Variants in UMODL1 observed in about 807,000 individuals in gnomAD.
The protein encoded by UMODL1 is uromodulin like 1.
In UMODL1, 128 loss-of-function variants were observed where a neutral mutation model predicts 136.3. The ratio of observed to expected loss-of-function variants is 0.94; its 90% CI spans 0.81 to 1.09. The LOEUF is 1.09. UMODL1 is among the 50% of genes least tolerant of loss of function. The pLI, the probability that UMODL1 is intolerant of heterozygous loss-of-function variation, is 0.00. For missense variants in UMODL1, 1,766 were observed against 1,725.6 expected, an observed-to-expected ratio of 1.02 and a Z score of -0.41; for synonymous variants, 721 against 720.0, an observed-to-expected ratio of 1.00 and a Z score of -0.02.
chr21:42,078,912 C>T (rs1433454712), intron 2 of UMODL1, among the ~76,000 whole-genome samples: 3 of 152,332 alleles, frequency 2.0e-5, no homozygotes, highest in Middle Eastern at 6.8e-3. Flanking sequence ...TCGAGGGCCA[C>T]ACACACAGAG....
chr21:42,128,089 A>G (rs1187902201), intron 20 of UMODL1: 5 of 594,942 alleles, frequency 8.4e-6, no homozygotes, highest in Non-Finnish European at 1.6e-5. Context: ...TGAGGCCATA[A>G]TATTCAACCG....
intron 2 of UMODL1, among the ~76,000 whole-genome samples, chr21:42,083,257 C>A (rs2066383988): frequency 6.6e-6 from 1 of 152,234 alleles, no homozygotes; most frequent in South Asian, 2.1e-4. Context: ...CTACACCAGG[C>A]CGTTCTTCCC....
intron 1 of UMODL1, among the ~76,000 whole-genome samples, chr21:42,071,963 A>T (rs920418088): frequency 6.6e-6 from 1 of 151,840 alleles, no homozygotes; most frequent in African/African-American, 2.4e-5. Context: ...TGGGAGGATC[A>T]CTTGAGCTTG....
In UMODL1 at chr21:42,109,672, C is replaced by A. The variant is rs372915114; in HGVS notation, c.1630C>A (p.Pro544Thr). 541 of 1,606,008 alleles carry A rather than the reference C, an allele frequency of 3.4e-4. No individual in the cohort carries two copies. Among genetic ancestry groups the A allele is most frequent in the Non-Finnish European group, 4.3e-4 (504 of 1,179,992 alleles). The part of the protein sequence containing the change: ...CQCRTTRDAT[P>T]SRAGRACEGD... ...GTGCCGTACCACCAGGGACGCCACC[C>A]CCTCCCGCGCAGGCCGGGCCTGTGA... is the stretch of plus-strand genomic sequence containing the variant. The change falls in exon 10 of 23, where the codon CCC becomes ACC. Residue 544 changes from proline (P) to threonine (T), a missense_variant. Pro to Thr is a conservative substitution (Grantham distance 38). Transcript: ENST00000408910.
At position 42,109,619 on chromosome 21, in the gene UMODL1, TC is replaced by T; in HGVS notation, c.1578del (p.Asn527ThrfsTer30). ...EHDCSPAAWC[I>X]NLEGSYTCQC... ...GACTGCTCACCGGCTGCCTGGTGCA[TC>T]AACCTGGAGGGCTCCTACACCTGCC... On this transcript the variant is annotated frameshift_variant, in exon 10 of 23. Coordinates refer to ENST00000408910, the MANE Select transcript of UMODL1 (RefSeq NM_001004416.3). LOFTEE classifies it high-confidence loss of function. 6.2e-7 allele frequency: 1 copy of T among 1,611,018 alleles called. No individual in the cohort carries two copies.
Position 42,122,869 on chromosome 21 carries a change from G to A in UMODL1, c.2866G>A (p.Glu956Lys). 6.2e-7 allele frequency: 1 copy of A among 1,608,486 alleles called. No homozygotes were observed. Among genetic ancestry groups the A allele is most frequent in the African/African-American group, 1.3e-5 (1 of 74,918 alleles). ...PGNETWATSP[E>K]RPLTTAGTKA... ...CAATGAAACCTGGGCCACCAGCCCA[G>A]AGAGGCCTCTCACCACAGCAGGGAC... The change falls in exon 17 of 23, where the codon GAG (glutamate) becomes AAG (lysine). Residue 956 changes from glutamate to lysine, a missense_variant. By Grantham distance (56) the Glu-to-Lys change is moderately conservative. Transcript: ENST00000408910. This position sits in a 1 kb window ranked among gnomAD's most constrained non-coding sequence, Gnocchi z 4.3.
chr21:42,065,428 C>T (rs75323759), intron 1 of UMODL1, among the ~76,000 whole-genome samples: 1,843 of 152,260 alleles, frequency 0.012, 46 homozygotes, highest in African/African-American at 0.042. Flanking sequence ...AGAGATGATC[C>T]AGTCACGAAA....
At chr21:42,066,594 C>T (rs2066184814), upstream of UMODL1, among the ~76,000 whole-genome samples, 1 of 152,184 alleles carries the variant, frequency 6.6e-6, no homozygotes, top group Admixed American at 6.5e-5. Context: ...AAAAGCCTAA[C>T]TTAGTTGATC....
chr21:42,080,945 C>T (rs2066354336), intron 2 of UMODL1, among the ~76,000 whole-genome samples: 1 of 152,234 alleles, frequency 6.6e-6, no homozygotes, highest in South Asian at 2.1e-4. Context: ...TCAGTTGTTT[C>T]CAATTACTCA....
intron 4 of UMODL1, among the ~76,000 whole-genome samples, chr21:42,087,176 C>G (rs970902171): frequency 6.6e-6 from 1 of 152,160 alleles, no homozygotes; most frequent in Non-Finnish European, 1.5e-5. Context: ...CTCCAACCAG[C>G]CCATTACCCC....
In UMODL1 at chr21:42,109,502, G is replaced by A. The variant is rs2146498521; in HGVS notation, c.1520-60G>A. The A allele has an allele frequency of 3.1e-6, 5 of 1,594,056 alleles. No homozygotes were observed. The South Asian group carries it at 4.4e-5, about 14-fold the overall frequency. ...GAAGGACTCCTTCCAGCATGGGTCT[G>A]TCTTCTGATCACTCTTTGGCTGTTT... On this transcript the variant is annotated intron_variant, in intron 9 of 22. Transcript: ENST00000408910.
At chr21:42,083,314 G>A (rs374048952) in intron 2 of UMODL1, among the ~76,000 whole-genome samples, 75 of 152,280 alleles carry the variant, frequency 4.9e-4, no homozygotes, top group Non-Finnish European at 7.9e-4. Context: ...TGCCAGACCC[G>A]AAGCCTGGGA....
chr21:42,111,152 G>C (rs2066818463), intron 11 of UMODL1, 31 bp downstream of exon 11: 1 of 1,590,130 alleles, frequency 6.3e-7, no homozygotes, highest in African/African-American at 1.3e-5. Context: ...TCTGGGGATG[G>C]ACCAGGGGAG....
intron 6 of UMODL1, 94 bp from the exon 7 acceptor site, chr21:42,098,832 G>A (rs933680799): frequency 2.6e-6 from 4 of 1,536,042 alleles, no homozygotes; most frequent in Non-Finnish European, 3.5e-6. Context: ...AAATCAGTGA[G>A]AACCAAGTTG....
rs1469341605 is a variant in UMODL1 at position 42,111,607 on chromosome 21, A to C, written c.2001A>C (p.Thr667=). The change falls in exon 12 of 23, where the codon ACA becomes ACC. Residue 667 remains threonine, a synonymous_variant. Transcript: ENST00000408910. ...ATGCCACCCGTTCCACCCGGGAAAC[A>C]CTTCTGAATCCCACGTGGCTGCGAA... is the stretch of plus-strand genomic sequence containing the variant. ...LWHATRSTRE[T]LLNPTWLRNE... 6.2e-7 allele frequency: 1 copy of C among 1,613,984 alleles called. No individual in the cohort carries two copies. The highest frequency in any genetic ancestry group is 8.5e-7 in the Non-Finnish European group (1 of 1,180,000).
intron 1 of UMODL1, among the ~76,000 whole-genome samples, chr21:42,065,988 A>G (rs1216987466): frequency 6.6e-6 from 1 of 152,174 alleles, no homozygotes; most frequent in African/African-American, 2.4e-5. Context: ...TCGCTCTTTT[A>G]CATGAACCGT....
rs778514342 is a variant in UMODL1, at chr21:42,104,048, A to T, written c.1480A>T (p.Thr494Ser). ...APILQPLLAS[T>S]VFQIDRQGTR... The stretch of plus-strand genomic sequence containing the variant: ...CATACTCCAGCCCCTGTTGGCAAGC[A>T]CAGTGTTCCAGATTGACCGGCAGGG... The change falls in exon 9 of 23, where the codon ACA becomes TCA. Residue 494 changes from threonine to serine, a missense_variant. Physicochemically the swap from Thr to Ser is moderately conservative, Grantham distance 58. Coordinates refer to ENST00000408910, the MANE Select transcript of UMODL1 (RefSeq NM_001004416.3). 6.2e-6 allele frequency: 10 copies of T among 1,613,912 alleles called. No homozygotes were observed. Among genetic ancestry groups the T allele is most frequent in the East Asian group, 2.2e-5 (1 of 44,894 alleles).
chr21:42,072,466 A>G (rs1352629627), intron 1 of UMODL1, among the ~76,000 whole-genome samples: 3 of 152,180 alleles, frequency 2.0e-5, no homozygotes, highest in Admixed American at 6.5e-5. Context: ...TGTAGACCCC[A>G]CAGTTCAGAT....
At chr21:42,131,979 T>C (rs2067139869) in intron 21 of UMODL1, among the ~76,000 whole-genome samples, 1 of 152,236 alleles carries the variant, frequency 6.6e-6, no homozygotes, top group South Asian at 2.1e-4. Flanking sequence ...AACTTCCTCC[T>C]TCATTCATTG....
Sources: allele counts gnomAD v4.1 joint callset (sites outside exome capture counted in the v4.1 genomes callset), GRCh38; gene constraint gnomAD v4.1.1; non-coding constraint Gnocchi (gnomAD v3.1); transcripts MANE v1.5; gene names NCBI Gene and HGNC (gene_info 2026-07-23, HGNC 2026-07-21).